Variants in SIPA1L3 observed in about 807,000 individuals in gnomAD.
SIPA1L3 encodes signal-induced proliferation-associated 1-like protein 3.
Under a neutral mutation model 150.1 loss-of-function variants are expected in SIPA1L3, and 59 were observed. The observed-to-expected ratio is 0.39, with a 90% confidence interval of 0.32 to 0.49. The LOEUF (loss-of-function observed/expected upper bound fraction) is 0.49. SIPA1L3 is among the 20% of genes least tolerant of loss of function. The pLI is 0.86. For synonymous variants in SIPA1L3, 1,070 were observed against 1,077.6 expected (o/e 0.99, Z 0.14); for missense variants, 2,211 against 2,489.5 (o/e 0.89, Z 2.38).
At chr19:38,052,957 A>G (rs944060490) in intron 2 of SIPA1L3, among the ~76,000 whole-genome samples, 16 of 152,214 alleles carry the variant, frequency 1.1e-4, no homozygotes, top group African/African-American at 3.6e-4. Context: ...GTGCTGGAGT[A>G]TTCTCAGGGA....
At chr19:38,167,342 C>A (rs974321791) in intron 15 of SIPA1L3, among the ~76,000 whole-genome samples, 6 of 151,844 alleles carry the variant, frequency 4.0e-5, no homozygotes, top group Non-Finnish European at 8.8e-5. Flanking sequence ...GCTGATCAAT[C>A]CCCACTCAGA....
In SIPA1L3 at chr19:38,196,467, G is replaced by T. The variant is rs117757642; in HGVS notation, c.4841-1922G>T. On this transcript the variant is annotated intron_variant, in intron 18 of 21. Coordinates refer to ENST00000222345, the MANE Select transcript of SIPA1L3 (RefSeq NM_015073.3). ...AGGAGGTCAAGGGCGGAGTGTGGAG[G>T]TCAAGGGCAGAGTGTGGATGTCAAG... 2.8e-3 allele frequency among the ~76,000 whole-genome samples: 411 copies of T among 148,392 alleles called. 2 individuals carry two copies. Among genetic ancestry groups the T allele is most frequent in the African/African-American group, 9.6e-3 (384 of 40,132 alleles).
At chr19:38,031,258 G>A (rs918377971) in intron 2 of SIPA1L3, among the ~76,000 whole-genome samples, 11 of 152,190 alleles carry the variant, frequency 7.2e-5, no homozygotes, top group African/African-American at 2.4e-4. Context: ...GATCAAAACA[G>A]GAAATTCACA....
chr19:38,124,363 G>A (rs181273893), intron 9 of SIPA1L3, among the ~76,000 whole-genome samples: 10,340 of 150,526 alleles, frequency 0.069, 419 homozygotes, highest in Middle Eastern at 0.13. Flanking sequence ...CATCCCAGAC[G>A]GGGTGGCGGG....
chr19:37,935,782 A>C (rs111680356), intron 1 of SIPA1L3, among the ~76,000 whole-genome samples: 97 of 152,268 alleles, frequency 6.4e-4, no homozygotes, highest in African/African-American at 2.2e-3. Flanking sequence ...TAAGGCATAG[A>C]TTTAGAACTG....
chr19:37,919,851 T>G (rs1174345976), intron 1 of SIPA1L3, among the ~76,000 whole-genome samples: 2 of 151,474 alleles, frequency 1.3e-5, no homozygotes, highest in Non-Finnish European at 2.9e-5. Flanking sequence ...GCTGGGATTA[T>G]AGGCATGCGC....
chr19:38,046,478 G>A lies in SIPA1L3; in HGVS notation c.-311+17322G>A, dbSNP rs1222408382. On this transcript the variant is annotated intron_variant, in intron 2 of 21. Coordinates refer to ENST00000222345, the MANE Select transcript of SIPA1L3 (RefSeq NM_015073.3). This position sits in a 1 kb window ranked among gnomAD's most constrained non-coding sequence, Gnocchi z 5.6. ...TCATGCCGATCAACGTGCTTCTCTC[G>A]GTTCCCTGTTCTGGGCCCTGCCCTG... Among the ~76,000 whole-genome samples the A allele has an allele frequency of 3.3e-5, 5 of 152,172 alleles. No homozygotes were observed. In the South Asian group the frequency reaches 6.2e-4, roughly 19 times the overall value.
chr19:38,155,389 G>C (rs1971922450), intron 13 of SIPA1L3, among the ~76,000 whole-genome samples: 1 of 152,150 alleles, frequency 6.6e-6, no homozygotes, highest in South Asian at 2.1e-4. Flanking sequence ...TTTGTAATTT[G>C]AATTCTTTAT....
At chr19:37,957,809 T>C (rs1300612003) in intron 1 of SIPA1L3, among the ~76,000 whole-genome samples, 2 of 152,118 alleles carry the variant, frequency 1.3e-5, no homozygotes, top group African/African-American at 4.8e-5. Context: ...ACTTCTGAGC[T>C]CAAGTGATCC....
intron 16 of SIPA1L3, among the ~76,000 whole-genome samples, chr19:38,190,384 C>G (rs1003008725): frequency 2.0e-5 from 3 of 152,170 alleles, no homozygotes; most frequent in African/African-American, 7.2e-5. Context: ...TCTTTTGAAT[C>G]TAAAGCTTTT....
In SIPA1L3 at chr19:38,035,581, G is replaced by A. The variant is rs149187846; in HGVS notation, c.-311+6425G>A. On this transcript the variant is annotated intron_variant, in intron 2 of 21. Coordinates refer to ENST00000222345, the MANE Select transcript of SIPA1L3 (RefSeq NM_015073.3). Reference sequence around the variant, plus strand: ...CTGGGGTCTAGTCATAGCTGAGCCCGTGACTAGCCCTAAATGGGCAGCTTA... The same window carrying A: ...CTGGGGTCTAGTCATAGCTGAGCCCATGACTAGCCCTAAATGGGCAGCTTA... 1.1e-3 allele frequency among the ~76,000 whole-genome samples: 174 copies of A among 152,314 alleles called. 2 individuals carry two copies. Among genetic ancestry groups the A allele is most frequent in the African/African-American group, 3.8e-3 (158 of 41,582 alleles).
chr19:38,052,566 A>G (rs1049787485), intron 2 of SIPA1L3, among the ~76,000 whole-genome samples: 1 of 152,242 alleles, frequency 6.6e-6, no homozygotes, highest in African/African-American at 2.4e-5. Context: ...CCTGTGTTTC[A>G]GAGCAGGCTA....
chr19:38,163,952 G>A (rs1040657808), intron 14 of SIPA1L3, among the ~76,000 whole-genome samples: 8 of 152,160 alleles, frequency 5.3e-5, no homozygotes, highest in Admixed American at 3.9e-4. Flanking sequence ...GGAGGAGGCT[G>A]CTGCACTGGC....
chr19:37,966,318 C>G (rs1419565949), intron 1 of SIPA1L3, among the ~76,000 whole-genome samples: 1 of 152,178 alleles, frequency 6.6e-6, no homozygotes, highest in Non-Finnish European at 1.5e-5. Context: ...GTCCCCTTGC[C>G]TCGGGCTCAG....
intron 15 of SIPA1L3, among the ~76,000 whole-genome samples, chr19:38,167,519 ACTGT>A (rs1350544224): frequency 2.0e-5 from 3 of 152,098 alleles, no homozygotes. Flanking sequence ...AGAGAGAGAC[ACTGT>A]CTGAGTGTTT....
intron 1 of SIPA1L3, among the ~76,000 whole-genome samples, chr19:37,970,546 T>C (rs1599853002): frequency 1.3e-5 from 2 of 152,138 alleles, no homozygotes; most frequent in East Asian, 3.9e-4. Context: ...CTCTTCTCAC[T>C]AAAGCCACAG....
intron 4 of SIPA1L3, among the ~76,000 whole-genome samples, chr19:38,089,260 G>A (rs561785507): frequency 6.7e-6 from 1 of 149,134 alleles, no homozygotes; most frequent in Admixed American, 6.8e-5. Context: ...AGAGGCTGCA[G>A]TGAGCTGAGT....
chr19:38,018,089 AT>A (rs201864828), intron 1 of SIPA1L3, among the ~76,000 whole-genome samples: 222 of 103,300 alleles, frequency 2.1e-3, no homozygotes, highest in Middle Eastern at 0.013. Flanking sequence ...GGATTCTCTG[AT>A]TTTTTTTTTT....
At chr19:38,192,029 GGA>G in intron 16 of SIPA1L3, 114 bp from the exon 17 acceptor site, 1 of 913,058 alleles carries the variant, frequency 1.1e-6, no homozygotes, top group South Asian at 1.7e-5. Context: ...GCTGGGTGAA[GGA>G]GAGAAGGCTG....
Sources: allele counts gnomAD v4.1 joint callset (sites outside exome capture counted in the v4.1 genomes callset), GRCh38; gene constraint gnomAD v4.1.1; non-coding constraint Gnocchi (gnomAD v3.1); transcripts MANE v1.5; gene names NCBI Gene and HGNC (gene_info 2026-07-23, HGNC 2026-07-21).